Variants in ADAMTSL1 observed in about 807,000 individuals in gnomAD.
The protein encoded by ADAMTSL1 is ADAMTS-like protein 1.
In ADAMTSL1, 126 loss-of-function variants were observed where a neutral mutation model predicts 201.8. The observed-to-expected ratio is 0.62, with a 90% CI of 0.54 to 0.72. The LOEUF is 0.72. Ranked by LOEUF, ADAMTSL1 falls within the 30% of genes least tolerant of loss-of-function variation. ADAMTSL1 has a pLI of 0.00. For synonymous variants in ADAMTSL1, 1,121 were observed against 903.4 expected (o/e 1.24, Z -4.32); for missense variants, 2,679 against 2,277.8 (o/e 1.18, Z -3.59).
In ADAMTSL1 at chr9:18,639,179, T is replaced by A. The variant is rs989184054; in HGVS notation, c.677-75T>A. Reference sequence around the variant, plus strand: ...GTCTCCCTTACCTAGCTCTAAACATTGTTGCATGAAATGTGCTTGCCTGTG... The same window carrying A: ...GTCTCCCTTACCTAGCTCTAAACATAGTTGCATGAAATGTGCTTGCCTGTG... On this transcript the variant is annotated intron_variant, in intron 6 of 28. Transcript: ENST00000380548. 7.6e-6 allele frequency: 11 copies of A among 1,440,746 alleles called. No homozygotes were observed. In the African/African-American group the frequency reaches 1.4e-4, roughly 19 times the overall value. The allele number at this position is 1,440,746 out of a possible 1,614,324, so 89.2% of individuals were successfully genotyped here.
intron 21 of ADAMTSL1, among the ~76,000 whole-genome samples, chr9:18,823,919 G>A (rs986572170): frequency 7.2e-5 from 11 of 152,068 alleles, no homozygotes; most frequent in African/African-American, 2.4e-4. Context: ...GAACCCAGGA[G>A]GCAGAGGCTG....
chr9:18,792,071 G>T (rs1822097700), intron 19 of ADAMTSL1, among the ~76,000 whole-genome samples: 1 of 148,388 alleles, frequency 6.7e-6, no homozygotes, highest in Non-Finnish European at 1.5e-5. Flanking sequence ...TGCAGTAGTT[G>T]TATGCAAAAA....
rs111998894 is a variant in ADAMTSL1, at chr9:18,901,526, T to C, written c.4852-4256T>C. Among the ~76,000 whole-genome samples, 554 of 152,290 alleles carry C rather than the reference T, an allele frequency of 3.6e-3. 5 individuals carry two copies. Among genetic ancestry groups the C allele is most frequent in the African/African-American group, 0.013 (526 of 41,562 alleles). ...AGATATAATTCTCAAACCAATAATG[T>C]AAAGTGGGGATGGGAAACAGAGTGG... is the stretch of plus-strand genomic sequence containing the variant. On this transcript the variant is annotated intron_variant, in intron 26 of 28. Transcript: ENST00000380548.
At chr9:18,206,129 A>G (rs1366944591) in intron 2 of ADAMTSL1, among the ~76,000 whole-genome samples, 2 of 141,764 alleles carry the variant, frequency 1.4e-5, no homozygotes, top group Non-Finnish European at 1.5e-5. Context: ...TCCCATCATG[A>G]GTTTTATGTT....
chr9:18,148,009 C>T (rs1038266157), intron 1 of ADAMTSL1, among the ~76,000 whole-genome samples: 1 of 151,996 alleles, frequency 6.6e-6, no homozygotes, highest in African/African-American at 2.4e-5. Context: ...TTTTTGTGTT[C>T]AACACCTCCA....
chr9:18,104,293 T>A (rs1306413791), intron 1 of ADAMTSL1, among the ~76,000 whole-genome samples: 1 of 152,160 alleles, frequency 6.6e-6, no homozygotes, highest in African/African-American at 2.4e-5. Context: ...CCTCTCTAGT[T>A]ACTGCATGCT....
chr9:18,674,181 G>C (rs1230570880), intron 9 of ADAMTSL1, among the ~76,000 whole-genome samples: 1 of 142,068 alleles, frequency 7.0e-6, no homozygotes, highest in Admixed American at 7.2e-5. Flanking sequence ...TGTTACTGAA[G>C]GTTAATACAC....
At chr9:18,210,113 T>C (rs796172371) in intron 2 of ADAMTSL1, among the ~76,000 whole-genome samples, 35 of 152,126 alleles carry the variant, frequency 2.3e-4, no homozygotes, top group African/African-American at 7.9e-4. Context: ...CCAGCCTCTT[T>C]CTCTTAACAT....
chr9:18,768,550 G>A (rs1007815872), intron 16 of ADAMTSL1, among the ~76,000 whole-genome samples: 7 of 91,712 alleles, frequency 7.6e-5, no homozygotes, highest in African/African-American at 2.1e-4. Flanking sequence ...TCAATGGGTA[G>A]GTAGTTGATC....
At chr9:18,331,432 G>A (rs549406106) in intron 2 of ADAMTSL1, among the ~76,000 whole-genome samples, 15 of 152,252 alleles carry the variant, frequency 9.9e-5, no homozygotes, top group African/African-American at 3.6e-4. Flanking sequence ...CTCCCTCCTG[G>A]ATATACTGCA....
chr9:18,653,920 C>T (rs1472361664), intron 7 of ADAMTSL1, among the ~76,000 whole-genome samples: 1 of 152,202 alleles, frequency 6.6e-6, no homozygotes, highest in African/African-American at 2.4e-5. Flanking sequence ...AGACAGCCTT[C>T]CAAGGAGGGT....
chr9:18,903,076 G>A (rs1830101089), intron 26 of ADAMTSL1, among the ~76,000 whole-genome samples: 2 of 152,098 alleles, frequency 1.3e-5, no homozygotes, highest in South Asian at 4.1e-4. Flanking sequence ...GTGTTGGTGG[G>A]TGCCTGTAGT....
intron 1 of ADAMTSL1, among the ~76,000 whole-genome samples, chr9:17,951,667 TGGA>T (rs1000863219): frequency 8.6e-5 from 13 of 151,916 alleles, no homozygotes; most frequent in African/African-American, 3.1e-4. Context: ...CTTATTGATC[TGGA>T]GGAATTCTTT....
Position 18,681,696 on chromosome 9 carries a change from G to GTGTGT in ADAMTSL1, c.1342-114_1342-113insTGTTG, listed in dbSNP as rs1554728663. The stretch of plus-strand genomic sequence containing the variant: ...GTATAAATTTACCAGGAGTCCTCGT[G>GTGTGT]TGGGGGGGGGGGGCGGGGAAAAAGA... On this transcript the variant is annotated intron_variant, in intron 11 of 28. Transcript: ENST00000380548. 13 of 664,854 alleles carry GTGTGT rather than the reference G, an allele frequency of 2.0e-5. 1 individual carries two copies. Among genetic ancestry groups the GTGTGT allele is most frequent in the Non-Finnish European group, 2.4e-5 (11 of 466,356 alleles). 41.2% of individuals were successfully genotyped at this position (664,854 alleles called of 1,614,324 possible).
intron 2 of ADAMTSL1, among the ~76,000 whole-genome samples, chr9:18,329,094 G>A (rs779879916): frequency 8.5e-5 from 13 of 152,058 alleles, no homozygotes; most frequent in African/African-American, 2.4e-4. Context: ...TGGTCAGGTC[G>A]TGAGGGTAGA....
At chr9:18,467,756 A>G (rs1223515039) in intron 2 of ADAMTSL1, among the ~76,000 whole-genome samples, 2 of 152,216 alleles carry the variant, frequency 1.3e-5, no homozygotes, top group East Asian at 3.8e-4. Flanking sequence ...GTTGGGTAAT[A>G]TCAAGTATTT....
At chr9:17,957,517 C>G (rs1827977162) in intron 1 of ADAMTSL1, among the ~76,000 whole-genome samples, 1 of 152,160 alleles carries the variant, frequency 6.6e-6, no homozygotes. Context: ...GCTGTTCTCA[C>G]ATTAGCCTAA....
In ADAMTSL1 at chr9:17,983,069, TTTCTTTC is replaced by T. The variant is rs1429387711; in HGVS notation, c.87+76150_87+76156del. ...ATTTTCTTTTTCTTTTCTTTCTTTC[TTTCTTTC>T]TTTTTTTTTTTTGAGACTGAATCTT... is the stretch of plus-strand genomic sequence containing the variant. On this transcript the variant is annotated intron_variant, in intron 1 of 29. Transcript: ENST00000680146. Among the ~76,000 whole-genome samples the T allele has an allele frequency of 6.4e-5, 5 of 77,898 alleles. 1 individual carries two copies. The highest frequency in any genetic ancestry group is 1.9e-4 in the African/African-American group (4 of 20,852). The allele number at this position is 77,898 out of a possible 152,430, so 51.1% of individuals were successfully genotyped here. A position where few individuals can be genotyped will look rare whatever the true frequency, so the allele number is the denominator to read the frequency against.
chr9:18,480,539 C>G (rs555152630), intron 1 of ADAMTSL1, among the ~76,000 whole-genome samples: 2 of 152,294 alleles, frequency 1.3e-5, no homozygotes, highest in Admixed American at 1.3e-4. Context: ...TTCATTTAAC[C>G]ATGAGCAAGA....
Sources: allele counts gnomAD v4.1 joint callset (sites outside exome capture counted in the v4.1 genomes callset), GRCh38; gene constraint gnomAD v4.1.1; transcripts MANE v1.5; gene names NCBI Gene and HGNC (gene_info 2026-07-23, HGNC 2026-07-21).